The following SHTN1 variants were observed in gnomAD, a reference collection of about 807,000 sequenced individuals.
SHTN1 encodes shootin 1, also known as shootin-1.
SHTN1 carries 42 observed loss-of-function variants against 83.1 expected under a neutral mutation model. The ratio of observed to expected loss-of-function variants is 0.51; its 90% CI spans 0.39 to 0.65. The LOEUF (loss-of-function observed/expected upper bound fraction) is 0.65, where lower values mean the gene tolerates loss of function less well. SHTN1 is among the 30% of genes least tolerant of loss of function. SHTN1 has a pLI of 0.00. For missense variants in SHTN1, 622 were observed against 737.8 expected, an observed-to-expected ratio of 0.84 and a Z score of 1.82; for synonymous variants, 224 against 247.7, an observed-to-expected ratio of 0.90 and a Z score of 0.90.
intron 14 of SHTN1, among the ~76,000 whole-genome samples, chr10:116,908,164 G>A (rs1019391716): frequency 3.3e-5 from 5 of 152,102 alleles, no homozygotes; most frequent in African/African-American, 1.2e-4. Flanking sequence ...ACAAGATTAG[G>A]AGATTATATT....
intron 2 of SHTN1, among the ~76,000 whole-genome samples, chr10:116,971,804 T>C (rs751525273): frequency 1.3e-5 from 2 of 152,156 alleles, no homozygotes; most frequent in Non-Finnish European, 2.9e-5. Context: ...CACTTGGGAG[T>C]GTTGCTCCTG....
chr10:117,118,119 G>A (rs1205820123), intron 1 of SHTN1, among the ~76,000 whole-genome samples: 1 of 151,990 alleles, frequency 6.6e-6, no homozygotes, highest in African/African-American at 2.4e-5. Flanking sequence ...AGAATGGGGG[G>A]AAATATTTGG....
chr10:117,083,950 AT>A (rs1488025031), intron 1 of SHTN1, among the ~76,000 whole-genome samples: 1 of 151,152 alleles, frequency 6.6e-6, no homozygotes, highest in Non-Finnish European at 1.5e-5. Flanking sequence ...ATTCTTCTAA[AT>A]TTTTTTCAAA....
intron 7 of SHTN1, among the ~76,000 whole-genome samples, chr10:116,945,483 A>G (rs1322825856): frequency 6.6e-6 from 1 of 152,212 alleles, no homozygotes. Flanking sequence ...GTGCAAAGTG[A>G]ATTCATTTTT....
chr10:116,915,315 A>G (rs1436558038), intron 13 of SHTN1, 60 bp downstream of exon 13: 1 of 936,192 alleles, frequency 1.1e-6, no homozygotes, highest in Non-Finnish European at 1.7e-6. Context: ...CAAATTTCAA[A>G]TTTATACATT....
chr10:116,923,042 C>T (rs1848618789), intron 11 of SHTN1, among the ~76,000 whole-genome samples: 1 of 151,856 alleles, frequency 6.6e-6, no homozygotes, highest in Non-Finnish European at 1.5e-5. Context: ...ATTCCAATTA[C>T]ATAAAGTTCA....
chr10:116,979,977 T>G (rs1169312997), intron 1 of SHTN1, among the ~76,000 whole-genome samples: 1 of 148,862 alleles, frequency 6.7e-6, no homozygotes, highest in African/African-American at 2.6e-5. Flanking sequence ...CTCATTTCAC[T>G]AAATGGGGAA....
chr10:117,068,490 T>C (rs1403243712), intron 1 of SHTN1, among the ~76,000 whole-genome samples: 8 of 151,782 alleles, frequency 5.3e-5, no homozygotes, highest in Admixed American at 5.3e-4. Context: ...AGGTGAAAGA[T>C]GTATAGATCA....
chr10:116,919,746 C>T (rs866450966), intron 12 of SHTN1, among the ~76,000 whole-genome samples: 4 of 152,164 alleles, frequency 2.6e-5, no homozygotes, highest in Admixed American at 1.3e-4. Flanking sequence ...TCACCAAAGG[C>T]GGAATTGCTT....
intron 2 of SHTN1, among the ~76,000 whole-genome samples, chr10:117,031,270 T>C (rs1269760782): frequency 6.6e-6 from 1 of 152,176 alleles, no homozygotes; most frequent in Non-Finnish European, 1.5e-5. Context: ...ATCCTTCAAA[T>C]GTGATGGACA....
intron 2 of SHTN1, among the ~76,000 whole-genome samples, chr10:117,033,504 C>T (rs987982419): frequency 6.6e-6 from 1 of 152,020 alleles, no homozygotes; most frequent in African/African-American, 2.4e-5. Context: ...CCTGAACAGA[C>T]CAAATAACAA....
intron 1 of SHTN1, among the ~76,000 whole-genome samples, chr10:117,096,655 C>T (rs1429998294): frequency 6.6e-6 from 1 of 152,196 alleles, no homozygotes; most frequent in East Asian, 1.9e-4. Flanking sequence ...TAAAAACTTT[C>T]TCCACCTCTT....
chr10:117,005,105 A>G lies in SHTN1; in HGVS notation c.-26T>C. ...TTTGGCGGGTGGGGCCGGGAATAAA[A>G]GGGAAAGAGGGAGCGGCGCGGGGCA... On this transcript the variant is annotated 5_prime_UTR_variant, in exon 1 of 17. Transcript: ENST00000355371. 6.3e-7 allele frequency: 1 copy of G among 1,580,360 alleles called. No individual in the cohort carries two copies. Among genetic ancestry groups the G allele is most frequent in the Admixed American group, 1.8e-5 (1 of 54,136 alleles).
At chr10:117,062,808 A>C (rs1852922893) in intron 1 of SHTN1, among the ~76,000 whole-genome samples, 1 of 152,190 alleles carries the variant, frequency 6.6e-6, no homozygotes, top group African/African-American at 2.4e-5. Flanking sequence ...AAACAGTTTG[A>C]GAGCTGCTTC....
intron 10 of SHTN1, among the ~76,000 whole-genome samples, chr10:116,929,000 A>C (rs532839665): frequency 4.6e-5 from 7 of 152,336 alleles, no homozygotes; most frequent in African/African-American, 1.7e-4. Flanking sequence ...TATTCACTAA[A>C]AAGAATGAAA....
intron 1 of SHTN1, among the ~76,000 whole-genome samples, chr10:117,100,213 T>C (rs1228137247): frequency 1.3e-5 from 2 of 152,012 alleles, no homozygotes; most frequent in African/African-American, 2.4e-5. Flanking sequence ...AAAGAGTAAA[T>C]ACATGTAAAG....
At chr10:117,040,626 C>T (rs1208165306) in intron 2 of SHTN1, among the ~76,000 whole-genome samples, 7 of 152,114 alleles carry the variant, frequency 4.6e-5, no homozygotes, top group Non-Finnish European at 8.8e-5. Flanking sequence ...GAATCTAAAA[C>T]GGTTTTTTAA....
chr10:116,973,984 C>T (rs1723961412), intron 2 of SHTN1: 1 of 1,195,036 alleles, frequency 8.4e-7, no homozygotes, highest in Admixed American at 2.4e-5. Context: ...CACTCTTATC[C>T]CTAAAGAATA....
intron 1 of SHTN1, among the ~76,000 whole-genome samples, chr10:116,982,990 A>C (rs1386343690): frequency 1.3e-5 from 2 of 152,052 alleles, no homozygotes; most frequent in Non-Finnish European, 2.9e-5. Flanking sequence ...GATGAATCTG[A>C]CCAATTCTCA....
Sources: allele counts gnomAD v4.1 joint callset (sites outside exome capture counted in the v4.1 genomes callset), GRCh38; gene constraint gnomAD v4.1.1; transcripts MANE v1.5; gene names NCBI Gene and HGNC (gene_info 2026-07-23, HGNC 2026-07-21).